Variants in SYT2 observed in about 807,000 individuals in gnomAD.
The protein encoded by SYT2 is synaptotagmin 2, also known as synaptotagmin-2.
Under a neutral mutation model 39.9 loss-of-function variants are expected in SYT2, and 15 were observed. That is an observed-to-expected ratio of 0.38 (90% CI 0.25 to 0.58). The LOEUF (loss-of-function observed/expected upper bound fraction) is 0.58, where lower values mean the gene tolerates loss of function less well. Among genes scored for constraint, SYT2 ranks in the 20% least tolerant of loss-of-function variants. The pLI is 0.70. For synonymous variants in SYT2, 181 were observed against 204.5 expected, an observed-to-expected ratio of 0.89 and a Z score of 0.98; for missense variants, 389 against 530.3, an observed-to-expected ratio of 0.73 and a Z score of 2.62.
chr1:202,620,426 GAGC>G (rs1045106013), intron 1 of SYT2, among the ~76,000 whole-genome samples: 13 of 152,242 alleles, frequency 8.5e-5, no homozygotes, highest in Admixed American at 8.5e-4. Context: ...AGGAGTTGGG[GAGC>G]AGGTGACAAC....
intron 1 of SYT2, among the ~76,000 whole-genome samples, chr1:202,625,662 G>A (rs958263157): frequency 1.1e-4 from 16 of 152,064 alleles, no homozygotes; most frequent in African/African-American, 3.9e-4. Flanking sequence ...ACCCAAGCCA[G>A]GCCCACGCCC....
chr1:202,624,717 TATGTAGTAGGGTGTGTGTGGC>T (rs1373715490), intron 1 of SYT2, among the ~76,000 whole-genome samples: 187 of 10,972 alleles, frequency 0.017, no homozygotes, highest in Admixed American at 0.036. Flanking sequence ...GTGTGTGTGG[TATGTAGTAGGGTGTGTGTGGC>T]ATGTAGTAGG....
rs1690320372 is a variant in SYT2, at chr1:202,596,967, C to A, written c.1054-4G>T. 6.2e-7 allele frequency: 1 copy of A among 1,611,798 alleles called. No homozygotes were observed. The highest frequency in any genetic ancestry group is 8.5e-7 in the Non-Finnish European group (1 of 1,178,276). On this transcript the variant is annotated splice_polypyrimidine_tract_variant and splice_region_variant and intron_variant, in intron 8 of 8. Coordinates refer to ENST00000367268, the MANE Select transcript of SYT2 (RefSeq NM_177402.5). ...CGGTGACCACTACCTGGACTTTCTGCAAGGAAAACGAGGGAGGGAGTTGGC... is the reference window on the plus strand; with the variant it reads ...CGGTGACCACTACCTGGACTTTCTGAAAGGAAAACGAGGGAGGGAGTTGGC...
Position 202,634,081 on chromosome 1 carries a change from C to T in SYT2, c.-17-28292G>A, listed in dbSNP as rs536303291. On this transcript the variant is annotated intron_variant, in intron 1 of 8. Coordinates refer to ENST00000367268, the MANE Select transcript of SYT2 (RefSeq NM_177402.5). ...TCCTTGGACAAATCCCTTGATGTCC[C>T]TCAAATGATGCCTCCATTTCTTCAC... Among the ~76,000 whole-genome samples, 307 of 152,322 alleles carry T rather than the reference C, an allele frequency of 2.0e-3. 1 individual carries two copies. The highest frequency in any genetic ancestry group is 6.7e-3 in the African/African-American group (279 of 41,562).
At position 202,606,944 on chromosome 1, in the gene SYT2, G is replaced by GT. The variant is rs895200999; in HGVS notation, c.-17-1156dup. ...TTCATCATAAGCCTTTTCCTTTATT[G>GT]TTTTTTATTATTAAATAGCTACATA... is the stretch of plus-strand genomic sequence containing the variant. On this transcript the variant is annotated intron_variant, in intron 1 of 8. Transcript: ENST00000367268. Among the ~76,000 whole-genome samples the GT allele has an allele frequency of 7.9e-5, 12 of 151,786 alleles. No individual in the cohort carries two copies. The East Asian group carries it at 1.7e-3, about 22-fold the overall frequency.
At chr1:202,616,974 C>A (rs1170305394) in intron 1 of SYT2, among the ~76,000 whole-genome samples, 3 of 152,238 alleles carry the variant, frequency 2.0e-5, no homozygotes, top group African/African-American at 4.8e-5. Context: ...CCAAGGCAAT[C>A]TTCATAAAAT....
In SYT2 at chr1:202,592,373, G is replaced by A. The variant is rs1216156768; in HGVS notation, c.*4384C>T. 1 of 152,682 alleles carries A rather than the reference G, an allele frequency of 6.5e-6. No homozygotes were observed. The highest frequency in any genetic ancestry group is 1.5e-5 in the Non-Finnish European group (1 of 68,056). 9.5% of individuals were successfully genotyped at this position (152,682 alleles called of 1,614,324 possible). ...ACTCCCGCCCACTGATGACTCCCAT[G>A]GGGGGTTTCCCGATGGGAGGAGGCA... On this transcript the variant is annotated 3_prime_UTR_variant, in exon 9 of 9. Coordinates refer to ENST00000367268, the MANE Select transcript of SYT2 (RefSeq NM_177402.5).
intron 1 of SYT2, among the ~76,000 whole-genome samples, chr1:202,640,772 GAGAGAGAGAGAGAGAGAGAGAC>G (rs1691889018): frequency 2.7e-5 from 4 of 147,032 alleles, no homozygotes; most frequent in East Asian, 1.9e-4. Flanking sequence ...GAGAGAGAGA[GAGAGAGAGAGAGAGAGAGAGAC>G]AGACAGACAG....
intron 1 of SYT2, among the ~76,000 whole-genome samples, chr1:202,638,015 C>T (rs1691789269): frequency 6.6e-6 from 1 of 152,246 alleles, no homozygotes; most frequent in Non-Finnish European, 1.5e-5. Context: ...GCGGGCAATT[C>T]CCCGGTAGGA....
At chr1:202,629,317 C>G (rs911917573) in intron 1 of SYT2, among the ~76,000 whole-genome samples, 2 of 152,164 alleles carry the variant, frequency 1.3e-5, no homozygotes, top group East Asian at 3.9e-4. Context: ...CCCCTGTGTC[C>G]AGATACTGCC....
intron 1 of SYT2, among the ~76,000 whole-genome samples, chr1:202,613,405 GTGTGTGTGTGCA>G (rs1305665028): frequency 2.0e-5 from 3 of 151,678 alleles, no homozygotes; most frequent in Non-Finnish European, 3.0e-5. Context: ...CTAATAATTT[GTGTGTGTGTGCA>G]TGTGTGTGTG....
At position 202,614,894 on chromosome 1, in the gene SYT2, AAGG is replaced by A. The variant is rs1690991270; in HGVS notation, c.-17-9108_-17-9106del. 6.6e-6 allele frequency among the ~76,000 whole-genome samples: 1 copy of A among 152,182 alleles called. No individual in the cohort carries two copies. Among genetic ancestry groups the A allele is most frequent in the Non-Finnish European group, 1.5e-5 (1 of 68,022 alleles). On this transcript the variant is annotated intron_variant, in intron 1 of 8. Transcript: ENST00000367268. The surrounding 1 kb of genome is among the most constrained non-coding windows in gnomAD (Gnocchi z 4.0). ...GATCAGGAGCACCATAGGCCGCGTC[AAGG>A]AGTTTTGTCTTTCCCAAAGAGGAAT... is the stretch of plus-strand genomic sequence containing the variant.
In SYT2 at chr1:202,599,251, G is replaced by C. The variant is rs1690411161; in HGVS notation, c.1020C>G (p.Ser340=). ...GCTCGAAGGGGATCTCAAAGCTGAA[G>C]GACTCGTTGAAGTATGGGTTCAGGG... ...KKTLNPYFNE[S]FSFEIPFEQI... is the part of the protein sequence containing the mutation. Residue 340 remains serine, a synonymous_variant, in exon 8 of 9, where the codon TCC becomes TCG. Coordinates refer to ENST00000367268, the MANE Select transcript of SYT2 (RefSeq NM_177402.5). This position sits in a 1 kb window ranked among gnomAD's most constrained non-coding sequence, Gnocchi z 4.4. The C allele has an allele frequency of 6.2e-7, 1 of 1,613,110 alleles. No individual in the cohort carries two copies. The highest frequency in any genetic ancestry group is 1.7e-4 in the Middle Eastern group (1 of 6,052).
chr1:202,704,720 G>T (rs531484907), intron 1 of SYT2, among the ~76,000 whole-genome samples: 1 of 135,414 alleles, frequency 7.4e-6, no homozygotes, highest in African/African-American at 2.6e-5. Flanking sequence ...TTTAATTGCC[G>T]AGTTGAAACC....
At chr1:202,668,048 A>T (rs1364135724) in intron 1 of SYT2, among the ~76,000 whole-genome samples, 1 of 152,192 alleles carries the variant, frequency 6.6e-6, no homozygotes, top group African/African-American at 2.4e-5. Context: ...CAGCACCATC[A>T]AAGCCTATGC....
chr1:202,603,246 C>T, intron 3 of SYT2, 128 bp from the exon 4 acceptor site: 1 of 1,332,050 alleles, frequency 7.5e-7, no homozygotes, highest in Non-Finnish European at 1.0e-6. Context: ...GTGGTGGGAA[C>T]ACAAGAGGGA....
Position 202,709,682 on chromosome 1 carries a change from G to A in SYT2, c.-18+576C>T, listed in dbSNP as rs1572692388. Among the ~76,000 whole-genome samples, 6 of 152,226 alleles carry A rather than the reference G, an allele frequency of 3.9e-5. No individual in the cohort carries two copies. In the Middle Eastern group the frequency reaches 0.01, roughly 259 times the overall value. ...AGCCCCTTCTTGGGCCCCTGCCCCA[G>A]CTCCTCGTGCCCGTTGCTTCCAGAT... On this transcript the variant is annotated intron_variant, in intron 1 of 8. Coordinates refer to ENST00000367268, the MANE Select transcript of SYT2 (RefSeq NM_177402.5).
At chr1:202,687,269 A>G (rs1343063397) in intron 1 of SYT2, among the ~76,000 whole-genome samples, 1 of 150,060 alleles carries the variant, frequency 6.7e-6, no homozygotes, top group Non-Finnish European at 1.5e-5. Context: ...TTTTCTTATC[A>G]CCCTTGAACT....
intron 1 of SYT2, among the ~76,000 whole-genome samples, chr1:202,669,428 G>A (rs1383348090): frequency 6.6e-6 from 1 of 151,868 alleles, no homozygotes; most frequent in Non-Finnish European, 1.5e-5. Flanking sequence ...GAGGCGGGTG[G>A]ATCATGAAGT....
Sources: gnomAD v4.1 joint callset for allele counts (sites outside exome capture counted in the v4.1 genomes callset) on GRCh38, gnomAD v4.1.1 for gene constraint, Gnocchi (gnomAD v3.1) non-coding constraint, MANE v1.5 for transcripts, NCBI Gene and HGNC (gene_info 2026-07-23, HGNC 2026-07-21) for gene names.